Variants in ETNK2 observed in about 807,000 individuals in gnomAD.
ETNK2 encodes ethanolamine kinase-like protein.
ETNK2 carries 33 observed loss-of-function variants against 46.2 expected under a neutral mutation model. That is an observed-to-expected ratio of 0.71 (90% CI 0.54 to 0.96). ETNK2 has a LOEUF of 0.96. Among genes scored for constraint, ETNK2 ranks in the 40% least tolerant of loss-of-function variants. ETNK2 has a pLI of 0.00. For missense variants in ETNK2, 445 were observed against 509.7 expected (o/e 0.87, Z 1.22); for synonymous variants, 194 against 209.0 (o/e 0.93, Z 0.62).
rs564460294 is a variant in ETNK2 at position 204,131,560 on chromosome 1, G to A, written c.*624C>T. The A allele has an allele frequency of 1.9e-5, 3 of 154,844 alleles. No individual in the cohort carries two copies. Among genetic ancestry groups the A allele is most frequent in the Admixed American group, 6.3e-5 (1 of 15,910 alleles). 9.6% of individuals were successfully genotyped at this position (154,844 alleles called of 1,614,324 possible). A position where few individuals can be genotyped will look rare whatever the true frequency, so the allele number is the denominator to read the frequency against. ...ACAAAACAGAAGCACAGGAGAGCAC[G>A]TTGGGGAGCATGTTTCCTCGGGCTG... On this transcript the variant is annotated 3_prime_UTR_variant, in exon 8 of 8. Transcript: ENST00000367202. This position sits in a 1 kb window ranked among gnomAD's most constrained non-coding sequence, Gnocchi z 4.3.
chr1:204,139,571 T>C (rs1486384845), intron 5 of ETNK2, among the ~76,000 whole-genome samples: 2 of 152,192 alleles, frequency 1.3e-5, no homozygotes, highest in Non-Finnish European at 2.9e-5. Flanking sequence ...ATCTAGCCTC[T>C]ACCCTCTAAG....
chr1:204,143,482 C>A (rs1488773933), intron 3 of ETNK2, among the ~76,000 whole-genome samples: 1 of 152,100 alleles, frequency 6.6e-6, no homozygotes, highest in Admixed American at 6.5e-5. Context: ...TGAAACATCG[C>A]CAGCTTTGCT....
chr1:204,140,282 TCATCCATCCATCCATCCATC>T (rs60488986), intron 4 of ETNK2, among the ~76,000 whole-genome samples, 164 bp from the exon 5 acceptor site: 7,630 of 146,170 alleles, frequency 0.052, 216 homozygotes, highest in Non-Finnish European at 0.059. Context: ...CTACTTCCAT[TCATCCATCCATCCATCCATC>T]CATCCATCCA....
At chr1:204,145,633 T>G (rs1003594273) in intron 3 of ETNK2, among the ~76,000 whole-genome samples, 1 of 152,252 alleles carries the variant, frequency 6.6e-6, no homozygotes, top group Non-Finnish European at 1.5e-5. Context: ...CATGGGATGA[T>G]GCAGATAAAG....
chr1:204,137,383 G>T, intron 5 of ETNK2, 134 bp from the exon 6 acceptor site: 1 of 1,135,586 alleles, frequency 8.8e-7, no homozygotes, highest in Non-Finnish European at 1.2e-6. Context: ...CAAGGAGGCG[G>T]CCCGAGAAGG....
intron 5 of ETNK2, among the ~76,000 whole-genome samples, chr1:204,137,836 A>AGAT (rs1657349551): frequency 6.6e-6 from 1 of 152,158 alleles, no homozygotes; most frequent in African/African-American, 2.4e-5. Context: ...ATGTGTAGCC[A>AGAT]GGCTGGGAAC....
intron 3 of ETNK2, among the ~76,000 whole-genome samples, chr1:204,145,216 T>C (rs888805661): frequency 6.6e-6 from 1 of 152,154 alleles, no homozygotes; most frequent in African/African-American, 2.4e-5. Flanking sequence ...GGTTCAAAGG[T>C]GTGACAAGAG....
At chr1:204,140,692 T>G (rs757641939) in intron 4 of ETNK2, among the ~76,000 whole-genome samples, 1 of 150,318 alleles carries the variant, frequency 6.7e-6, no homozygotes, top group African/African-American at 2.5e-5. Context: ...GCCCAGCTAA[T>G]TTTTGTATTT....
At chr1:204,144,264 T>C (rs1657681542) in intron 3 of ETNK2, among the ~76,000 whole-genome samples, 1 of 146,250 alleles carries the variant, frequency 6.8e-6, no homozygotes, top group Non-Finnish European at 1.5e-5. Context: ...AAGAATCACT[T>C]GAACCTGGGA....
At chr1:204,141,500 T>A (rs1331328346) in intron 3 of ETNK2, 43 bp from the exon 4 acceptor site, 1 of 1,548,532 alleles carries the variant, frequency 6.5e-7, no homozygotes, top group Admixed American at 2.0e-5. Flanking sequence ...GGAGGGCTGA[T>A]AGACAGGTGC....
At chr1:204,143,136 C>G (rs1379985627) in intron 3 of ETNK2, 2 of 152,050 alleles carry the variant, frequency 1.3e-5, no homozygotes, top group African/African-American at 4.8e-5. Context: ...AGGCCTCCCC[C>G]ATGCTTCCTG....
At position 204,132,001 on chromosome 1, in the gene ETNK2, CAGG is replaced by C. The variant is rs889070720; in HGVS notation, c.*180_*182del. The C allele has an allele frequency of 3.3e-6, 2 of 613,964 alleles. No homozygotes were observed. Among genetic ancestry groups the C allele is most frequent in the South Asian group, 3.9e-5 (2 of 51,442 alleles). 38.0% of individuals were successfully genotyped at this position (613,964 alleles called of 1,614,324 possible). A position where few individuals can be genotyped will look rare whatever the true frequency, so the allele number is the denominator to read the frequency against. On this transcript the variant is annotated 3_prime_UTR_variant, in exon 8 of 8. Coordinates refer to ENST00000367202, the MANE Select transcript of ETNK2 (RefSeq NM_018208.4). ...AGGGGGTCCTATCAGCCCCTCCAGA[CAGG>C]AGAATGAGGTCTTCAGTGGCAACCA...
At chr1:204,140,802 C>T (rs1031507326) in intron 4 of ETNK2, among the ~76,000 whole-genome samples, 2 of 148,266 alleles carry the variant, frequency 1.3e-5, no homozygotes, top group South Asian at 2.1e-4. Context: ...GGATTACAGG[C>T]ATGAGCCACC....
In ETNK2 at chr1:204,140,221, C is replaced by T. The variant is rs548742500; in HGVS notation, c.785-103G>A. On this transcript the variant is annotated intron_variant, in intron 4 of 7. Transcript: ENST00000367202. ...CTGGGATGCACCCACTGAGTGATGCCGGCCTCTGCAGCAACCCTGCCCAAT... is the reference window on the plus strand; with the variant it reads ...CTGGGATGCACCCACTGAGTGATGCTGGCCTCTGCAGCAACCCTGCCCAAT... 4.3e-4 allele frequency: 389 copies of T among 896,218 alleles called. 1 individual carries two copies. The highest frequency in any genetic ancestry group is 4.2e-3 in the African/African-American group (257 of 61,224). 55.5% of individuals were successfully genotyped at this position (896,218 alleles called of 1,614,324 possible). A position where few individuals can be genotyped will look rare whatever the true frequency, so the allele number is the denominator to read the frequency against.
At chr1:204,132,693 A>C (rs1174616305) in intron 7 of ETNK2, among the ~76,000 whole-genome samples, 1 of 151,994 alleles carries the variant, frequency 6.6e-6, no homozygotes, top group African/African-American at 2.4e-5. Context: ...ATGGCCTCCC[A>C]AAGTACTGGG....
chr1:204,135,168 T>A (rs568462279), intron 6 of ETNK2, among the ~76,000 whole-genome samples: 1 of 152,112 alleles, frequency 6.6e-6, no homozygotes, highest in Non-Finnish European at 1.5e-5. Flanking sequence ...AACCTAGATA[T>A]GGAAACAAGA....
In ETNK2 at chr1:204,151,628, C is replaced by T. The variant is rs1658007507; in HGVS notation, c.225G>A (p.Arg75=). The change falls in exon 1 of 8, where the codon CGG becomes CGA. Residue 75 remains arginine, a synonymous_variant. Coordinates refer to ENST00000367202, the MANE Select transcript of ETNK2 (RefSeq NM_018208.4). The surrounding 1 kb of genome is among the most constrained non-coding windows in gnomAD (Gnocchi z 8.0). ...GAACTTGCTCGGGTTTCCAATGCGG[C>T]CGCAGCTCCTGGATGAGGCGCAGGG... ...PGALRLIQEL[R]PHWKPEQVRT... The T allele has an allele frequency of 6.5e-7, 1 of 1,548,842 alleles. No individual in the cohort carries two copies. Among genetic ancestry groups the T allele is most frequent in the Non-Finnish European group, 8.7e-7 (1 of 1,146,182 alleles).
In ETNK2 at chr1:204,151,955, T is replaced by C. The variant is rs1658027361; in HGVS notation, c.-103A>G. On this transcript the variant is annotated 5_prime_UTR_variant, in exon 1 of 8. The change abolishes an upstream ATG in the 5' untranslated region. Transcript: ENST00000367202. The surrounding 1 kb of genome is among the most constrained non-coding windows in gnomAD (Gnocchi z 8.0). ...TAGAGGAGGGGCCAGGGGAAGTCCA[T>C]GACTCAGGCGCGAGCTGCCCGCTTC... is the stretch of plus-strand genomic sequence containing the variant. 2 of 1,241,352 alleles carry C rather than the reference T, an allele frequency of 1.6e-6. No individual in the cohort carries two copies. The highest frequency in any genetic ancestry group is 2.1e-6 in the Non-Finnish European group (2 of 961,764). 76.9% of individuals were successfully genotyped at this position (1,241,352 alleles called of 1,614,324 possible).
Position 204,152,008 on chromosome 1 carries a change from C to T in ETNK2, c.-156G>A. On this transcript the variant is annotated 5_prime_UTR_variant, in exon 1 of 8. In the 5' UTR this introduces an upstream ATG that the reference lacks. Coordinates refer to ENST00000367202, the MANE Select transcript of ETNK2 (RefSeq NM_018208.4). The surrounding 1 kb of genome is among the most constrained non-coding windows in gnomAD (Gnocchi z 4.2). ...TCGCCGGCTCGCGGCCCGCCGCCCA[C>T]CGCCGACCCCGGAGCGCCGCGGCCC... 3 of 766,546 alleles carry T rather than the reference C, an allele frequency of 3.9e-6. No homozygotes were observed. The highest frequency in any genetic ancestry group is 5.3e-6 in the Non-Finnish European group (3 of 562,064). 47.5% of individuals were successfully genotyped at this position (766,546 alleles called of 1,614,324 possible).
Sources: gnomAD v4.1 joint callset for allele counts (sites outside exome capture counted in the v4.1 genomes callset) on GRCh38, gnomAD v4.1.1 for gene constraint, Gnocchi (gnomAD v3.1) non-coding constraint, MANE v1.5 for transcripts, NCBI Gene and HGNC (gene_info 2026-07-23, HGNC 2026-07-21) for gene names.